The following GRIK2 variants were observed in gnomAD, a reference collection of about 807,000 sequenced individuals.
GRIK2 encodes glutamate receptor ionotropic, kainate 2.
In GRIK2, 32 loss-of-function variants were observed where a neutral mutation model predicts 100.3. That is an observed-to-expected ratio of 0.32 (90% CI 0.24 to 0.43). GRIK2 has a LOEUF of 0.43. Among genes scored for constraint, GRIK2 ranks in the 20% least tolerant of loss-of-function variants. The pLI is 1.00. For missense variants in GRIK2, 843 were observed against 1,114.9 expected, an observed-to-expected ratio of 0.76 and a Z score of 3.47; for synonymous variants, 417 against 389.4, an observed-to-expected ratio of 1.07 and a Z score of -0.83.
At chr6:101,951,496 G>C (rs1791603032) in intron 14 of GRIK2, among the ~76,000 whole-genome samples, 1 of 152,166 alleles carries the variant, frequency 6.6e-6, no homozygotes, top group Non-Finnish European at 1.5e-5. Context: ...TTTGCTTTAG[G>C]TGTAGGTTCA....
chr6:101,802,479 CAT>C (rs1780736762), intron 9 of GRIK2, 41 bp downstream of exon 9: 1 of 816,974 alleles, frequency 1.2e-6, no homozygotes, highest in Non-Finnish European at 2.0e-6. Flanking sequence ...CTAAATGAAA[CAT>C]ATCTCAAAGA....
intron 12 of GRIK2, among the ~76,000 whole-genome samples, chr6:101,918,469 T>C (rs899817541): frequency 4.0e-5 from 6 of 151,730 alleles, no homozygotes; most frequent in African/African-American, 1.4e-4. Flanking sequence ...AGTAGTAGAT[T>C]ATTTTATATA....
intron 7 of GRIK2, among the ~76,000 whole-genome samples, chr6:101,687,553 A>T (rs1308576449): frequency 6.6e-6 from 1 of 151,920 alleles, no homozygotes; most frequent in Non-Finnish European, 1.5e-5. Context: ...GATAAAAGGA[A>T]AATTTGATTT....
rs375342092 is a variant in GRIK2, at chr6:102,004,801, A to T, written c.2086-30540A>T. 3.3e-5 allele frequency among the ~76,000 whole-genome samples: 5 copies of T among 152,026 alleles called. 1 individual carries two copies. The highest frequency in any genetic ancestry group is 1.2e-4 in the African/African-American group (5 of 41,524). ...GGAGAGAAATGTATTTATATAGAATAGCTTTTCACATTATATTGTTATAGT... is the reference window on the plus strand; with the variant it reads ...GGAGAGAAATGTATTTATATAGAATTGCTTTTCACATTATATTGTTATAGT... On this transcript the variant is annotated intron_variant, in intron 14 of 16. Coordinates refer to ENST00000369134, the MANE Select transcript of GRIK2 (RefSeq NM_021956.5).
intron 9 of GRIK2, among the ~76,000 whole-genome samples, chr6:101,804,156 G>C (rs1326539875): frequency 6.6e-6 from 1 of 151,846 alleles, no homozygotes; most frequent in Non-Finnish European, 1.5e-5. Context: ...ATAGTCAATT[G>C]AGTACTTAGA....
At position 101,451,693 on chromosome 6, in the gene GRIK2, T is replaced by TGAG. The variant is rs951236023; in HGVS notation, c.115+52303_115+52305dup. On this transcript the variant is annotated intron_variant, in intron 2 of 16. Transcript: ENST00000369134. The stretch of plus-strand genomic sequence containing the variant: ...TTTCTGAGAGCCCATTATTTATCTC[T>TGAG]GAGGGGGGGGGGGGTGCCAAATACC... Among the ~76,000 whole-genome samples, 2 of 52,130 alleles carry TGAG rather than the reference T, an allele frequency of 3.8e-5. 1 individual carries two copies. Among genetic ancestry groups the TGAG allele is most frequent in the Admixed American group, 3.7e-4 (2 of 5,336 alleles). 34.2% of individuals were successfully genotyped at this position (52,130 alleles called of 152,430 possible). A position where few individuals can be genotyped will look rare whatever the true frequency, so the allele number is the denominator to read the frequency against.
chr6:101,701,646 T>C (rs992509499), intron 7 of GRIK2, among the ~76,000 whole-genome samples: 5 of 152,106 alleles, frequency 3.3e-5, no homozygotes, highest in Admixed American at 3.3e-4. Flanking sequence ...ACAAAAATTA[T>C]GCACAGTTTT....
intron 13 of GRIK2, chr6:101,928,210 A>T (rs1213143317): frequency 1.7e-6 from 1 of 575,002 alleles, no homozygotes; most frequent in East Asian, 2.8e-5. Flanking sequence ...ACTATATTTA[A>T]ACAAGAATGT....
chr6:101,597,244 G>GAGGAGGAGGA (rs1778969317), intron 2 of GRIK2, among the ~76,000 whole-genome samples: 1 of 151,364 alleles, frequency 6.6e-6, no homozygotes, highest in South Asian at 2.1e-4. Flanking sequence ...GAGGAGGGAG[G>GAGGAGGAGGA]GGAAGAAAGG....
intron 11 of GRIK2, among the ~76,000 whole-genome samples, chr6:101,863,177 C>A (rs961414927): frequency 6.6e-6 from 1 of 152,136 alleles, no homozygotes; most frequent in Non-Finnish European, 1.5e-5. Context: ...TTAATATCAT[C>A]TCCAGGAATG....
At chr6:101,470,810 G>C (rs1204485238) in intron 2 of GRIK2, among the ~76,000 whole-genome samples, 1 of 152,046 alleles carries the variant, frequency 6.6e-6, no homozygotes, top group Non-Finnish European at 1.5e-5. Context: ...GAAAAATGTA[G>C]AGAAAACAAT....
At chr6:101,922,923 A>G (rs970144677) in intron 12 of GRIK2, among the ~76,000 whole-genome samples, 3 of 152,204 alleles carry the variant, frequency 2.0e-5, no homozygotes, top group Non-Finnish European at 2.9e-5. Context: ...CATTAGCATG[A>G]AAGTAATAAG....
intron 16 of GRIK2, among the ~76,000 whole-genome samples, chr6:102,061,685 A>C (rs1243207025): frequency 6.6e-6 from 1 of 150,562 alleles, no homozygotes; most frequent in Non-Finnish European, 1.5e-5. Flanking sequence ...TAAATAAATA[A>C]ATGAAACAAT....
intron 14 of GRIK2, among the ~76,000 whole-genome samples, chr6:102,010,408 G>C (rs965061732): frequency 6.9e-6 from 1 of 143,934 alleles, no homozygotes; most frequent in East Asian, 2.1e-4. Flanking sequence ...TTTTGAGACA[G>C]AGTCTCACTC....
chr6:101,908,619 G>T (rs79659240), intron 12 of GRIK2, among the ~76,000 whole-genome samples: 13,698 of 151,218 alleles, frequency 0.091, 799 homozygotes, highest in Middle Eastern at 0.21. Flanking sequence ...GAACTTACAA[G>T]AAATAGTAAA....
At chr6:101,403,661 G>T (rs1049568803) in intron 2 of GRIK2, among the ~76,000 whole-genome samples, 11 of 152,168 alleles carry the variant, frequency 7.2e-5, no homozygotes, top group African/African-American at 2.4e-4. Context: ...GTGAGACTGA[G>T]CTTACAAGCC....
At chr6:102,018,602 G>T (rs1272462132) in intron 14 of GRIK2, among the ~76,000 whole-genome samples, 1 of 152,004 alleles carries the variant, frequency 6.6e-6, no homozygotes, top group Non-Finnish European at 1.5e-5. Context: ...TGTCCCCATT[G>T]AGGTTTCTAC....
chr6:101,658,273 A>G lies in GRIK2; in HGVS notation c.542-18350A>G, dbSNP rs1012182649. Among the ~76,000 whole-genome samples the G allele has an allele frequency of 3.9e-5, 6 of 152,070 alleles. No homozygotes were observed. In the East Asian group the frequency reaches 9.7e-4, roughly 24 times the overall value. ...CTGTGTCCATGTGTTCTTATTGTTC[A>G]ACTCCCACTTATGACTAAGAACATG... On this transcript the variant is annotated intron_variant, in intron 4 of 16. Transcript: ENST00000369134.
At chr6:101,817,139 AG>A (rs1485702767) in intron 9 of GRIK2, among the ~76,000 whole-genome samples, 1 of 152,192 alleles carries the variant, frequency 6.6e-6, no homozygotes, top group Non-Finnish European at 1.5e-5. Context: ...ATTGGCCAGT[AG>A]GTGGTTTAGT....
Sources: gnomAD v4.1 joint callset for allele counts (sites outside exome capture counted in the v4.1 genomes callset) on GRCh38, gnomAD v4.1.1 for gene constraint, MANE v1.5 for transcripts, NCBI Gene and HGNC (gene_info 2026-07-23, HGNC 2026-07-21) for gene names.